ATRNL1: variants seen among roughly 807,000 people sequenced by gnomAD.
ATRNL1 encodes the protein attractin-like protein 1.
ATRNL1 carries 95 observed loss-of-function variants against 182.7 expected under a neutral mutation model. The ratio of observed to expected loss-of-function variants is 0.52; its 90% confidence interval spans 0.44 to 0.62. ATRNL1 has a LOEUF of 0.62. Ranked by LOEUF, ATRNL1 falls within the 20% of genes least tolerant of loss-of-function variation. The probability of loss-of-function intolerance (pLI) is 0.00; values close to 1 mark genes in which losing one functional copy is unlikely to be tolerated. For missense variants in ATRNL1, 1,471 were observed against 1,679.5 expected, an observed-to-expected ratio of 0.88 and a Z score of 2.17; for synonymous variants, 576 against 568.3, an observed-to-expected ratio of 1.01 and a Z score of -0.19.
chr10:115,528,021 C>CCTTT, intron 25 of ATRNL1, among the ~76,000 whole-genome samples: 2 of 60,486 alleles, frequency 3.3e-5, no homozygotes, highest in Admixed American at 1.9e-4. Context: ...TTCCTTCCTT[C>CCTTT]CTTCCCTCCT....
At chr10:115,549,213 T>A (rs1426561915) in intron 25 of ATRNL1, among the ~76,000 whole-genome samples, 1 of 152,078 alleles carries the variant, frequency 6.6e-6, no homozygotes, top group Admixed American at 6.6e-5. Context: ...TTTACATTCC[T>A]TCTGACAGAG....
chr10:115,623,896 A>G (rs1857929726), intron 26 of ATRNL1, among the ~76,000 whole-genome samples: 1 of 152,130 alleles, frequency 6.6e-6, no homozygotes, highest in African/African-American at 2.4e-5. Context: ...CAAGCAGTCT[A>G]TTAGTCACAG....
At chr10:115,882,259 G>A (rs1951842265) in intron 28 of ATRNL1, among the ~76,000 whole-genome samples, 1 of 152,182 alleles carries the variant, frequency 6.6e-6, no homozygotes, top group South Asian at 2.1e-4. Flanking sequence ...TAGAATGCCT[G>A]CAGGGTGCCC....
At chr10:115,366,637 G>A (rs1179754068) in intron 19 of ATRNL1, among the ~76,000 whole-genome samples, 2 of 150,310 alleles carry the variant, frequency 1.3e-5, no homozygotes, top group African/African-American at 4.9e-5. Context: ...ATTTTGGCAT[G>A]ATTTTGCAGC....
At chr10:115,844,059 C>G (rs782701912) in intron 27 of ATRNL1, among the ~76,000 whole-genome samples, 1 of 152,064 alleles carries the variant, frequency 6.6e-6, no homozygotes, top group Non-Finnish European at 1.5e-5. Context: ...TAAATGTTAG[C>G]TATTATTACT....
At chr10:115,510,503 T>C (rs1365985088) in intron 24 of ATRNL1, among the ~76,000 whole-genome samples, 2 of 151,978 alleles carry the variant, frequency 1.3e-5, no homozygotes, top group Non-Finnish European at 2.9e-5. Context: ...TGCTAAAGGC[T>C]CAGATGATCA....
chr10:115,222,909 G>A (rs576173147), intron 9 of ATRNL1, among the ~76,000 whole-genome samples: 14 of 152,130 alleles, frequency 9.2e-5, no homozygotes, highest in Admixed American at 3.9e-4. Flanking sequence ...TAATAATAGT[G>A]GCTTGCATAT....
At chr10:115,268,654 A>G (rs984687274) in intron 13 of ATRNL1, among the ~76,000 whole-genome samples, 1 of 152,346 alleles carries the variant, frequency 6.6e-6, no homozygotes. Flanking sequence ...TTTTGGATCC[A>G]TCAACTTTAC....
intron 10 of ATRNL1, among the ~76,000 whole-genome samples, chr10:115,250,676 T>C (rs782717870): frequency 6.6e-6 from 1 of 152,218 alleles, no homozygotes; most frequent in Non-Finnish European, 1.5e-5. Context: ...GCAAGATGCA[T>C]AATTGGTCTT....
At chr10:115,470,404 A>G (rs529102623) in intron 24 of ATRNL1, among the ~76,000 whole-genome samples, 6 of 150,552 alleles carry the variant, frequency 4.0e-5, no homozygotes, top group African/African-American at 1.4e-4. Context: ...GAAAAATGCC[A>G]TAAATATTTG....
intron 28 of ATRNL1, among the ~76,000 whole-genome samples, chr10:115,926,365 C>A (rs998375574): frequency 1.3e-5 from 2 of 151,868 alleles, no homozygotes; most frequent in South Asian, 4.2e-4. Flanking sequence ...GAGGCAAGAG[C>A]AAACTAATCC....
intron 21 of ATRNL1, among the ~76,000 whole-genome samples, chr10:115,427,054 C>T (rs1471012632): frequency 6.6e-6 from 1 of 152,122 alleles, no homozygotes; most frequent in African/African-American, 2.4e-5. Context: ...CAGCCAAATG[C>T]TGTTTCCCCA....
chr10:115,355,216 G>A (rs1554942512), intron 19 of ATRNL1, among the ~76,000 whole-genome samples: 4 of 152,180 alleles, frequency 2.6e-5, no homozygotes, highest in African/African-American at 4.8e-5. Context: ...GATGATATAT[G>A]AGCGTTAAAA....
intron 28 of ATRNL1, among the ~76,000 whole-genome samples, chr10:115,883,198 C>T (rs908522408): frequency 6.6e-6 from 1 of 152,182 alleles, no homozygotes; most frequent in African/African-American, 2.4e-5. Context: ...ACTCTTTACC[C>T]CTCCTGCACA....
intron 27 of ATRNL1, among the ~76,000 whole-genome samples, chr10:115,735,222 T>C (rs186807704): frequency 6.6e-6 from 1 of 152,350 alleles, no homozygotes. Context: ...CTTTTGATAA[T>C]AAACTCTCTT....
At chr10:115,239,534 GC>G (rs781830135) in intron 9 of ATRNL1, among the ~76,000 whole-genome samples, 11 of 152,010 alleles carry the variant, frequency 7.2e-5, no homozygotes, top group Admixed American at 6.6e-4. Flanking sequence ...CCCGGCCGGG[GC>G]TGTATTTTTT....
At chr10:115,571,876 G>A (rs782289157) in intron 26 of ATRNL1, among the ~76,000 whole-genome samples, 20 of 151,490 alleles carry the variant, frequency 1.3e-4, no homozygotes, top group South Asian at 4.2e-4. Flanking sequence ...GTGTCTTACC[G>A]TCTGTTCTAC....
intron 1 of ATRNL1, among the ~76,000 whole-genome samples, chr10:115,094,481 G>A (rs1464363361): frequency 2.0e-5 from 3 of 152,180 alleles, no homozygotes; most frequent in Admixed American, 6.5e-5. Context: ...ATCTATGAGT[G>A]CCTCTCTCTT....
At chr10:115,248,709 G>C (rs141480764) in intron 10 of ATRNL1, among the ~76,000 whole-genome samples, 80 of 152,060 alleles carry the variant, frequency 5.3e-4, no homozygotes, top group Non-Finnish European at 1.0e-3. Flanking sequence ...CTGAGAATGA[G>C]TTAACCTAGA....
Sources: allele counts gnomAD v4.1 joint callset (sites outside exome capture counted in the v4.1 genomes callset), GRCh38; gene constraint gnomAD v4.1.1; transcripts MANE v1.5; gene names NCBI Gene and HGNC (gene_info 2026-07-23, HGNC 2026-07-21).